The following PLOD2 variants were observed in gnomAD, a reference collection of about 807,000 sequenced individuals.
The protein encoded by PLOD2 is procollagen-lysine,2-oxoglutarate 5-dioxygenase 2, also known as lysine hydroxylase 2.
In PLOD2, 65 loss-of-function variants were observed where a neutral mutation model predicts 101.0. The ratio of observed to expected loss-of-function variants is 0.64; its 90% CI spans 0.53 to 0.79. PLOD2 has a LOEUF of 0.79. Ranked by LOEUF, PLOD2 falls within the 30% of genes least tolerant of loss-of-function variation. PLOD2 has a pLI of 0.00. For missense variants in PLOD2, 909 were observed against 914.6 expected, an observed-to-expected ratio of 0.99 and a Z score of 0.08; for synonymous variants, 314 against 302.9, an observed-to-expected ratio of 1.04 and a Z score of -0.38.
intron 3 of PLOD2, among the ~76,000 whole-genome samples, chr3:146,119,688 C>T (rs552661301): frequency 4.0e-5 from 6 of 151,302 alleles, no homozygotes; most frequent in Admixed American, 6.6e-5. Flanking sequence ...TGAGAATATG[C>T]GGTGTTTGGT....
At chr3:146,140,825 T>TTCCAATGATAGGG (rs1258243540) in intron 1 of PLOD2, among the ~76,000 whole-genome samples, 1 of 152,074 alleles carries the variant, frequency 6.6e-6, no homozygotes, top group Non-Finnish European at 1.5e-5. Flanking sequence ...TTACCATATT[T>TTCCAATGATAGGG]TCCAATGATA....
intron 16 of PLOD2, 126 bp from the exon 17 acceptor site, chr3:146,072,791 G>A (rs1936198043): frequency 1.5e-6 from 1 of 673,684 alleles, no homozygotes. Context: ...TTCTGTCATG[G>A]TTTATTGACA....
intron 7 of PLOD2, among the ~76,000 whole-genome samples, chr3:146,095,938 C>T (rs1338364800): frequency 7.8e-6 from 1 of 127,640 alleles, no homozygotes; most frequent in African/African-American, 2.9e-5. Context: ...TGATGCCGAG[C>T]CAAAGCTGGA....
chr3:146,110,016 C>T (rs1413887049), intron 4 of PLOD2, among the ~76,000 whole-genome samples: 1 of 152,000 alleles, frequency 6.6e-6, no homozygotes, highest in African/African-American at 2.4e-5. Flanking sequence ...TACTTTTCTT[C>T]CTTTAACAAC....
chr3:146,103,609 T>G (rs1306284672), intron 6 of PLOD2, among the ~76,000 whole-genome samples: 1 of 152,020 alleles, frequency 6.6e-6, no homozygotes, highest in African/African-American at 2.4e-5. Context: ...CGCACCACCA[T>G]GCCTGACTAG....
intron 1 of PLOD2, among the ~76,000 whole-genome samples, chr3:146,156,787 GA>G (rs2032317346): frequency 1.3e-5 from 2 of 152,212 alleles, no homozygotes; most frequent in Admixed American, 1.3e-4. Context: ...AAAAGTCCAA[GA>G]GAACAATTAT....
Position 146,088,636 on chromosome 3 carries a change from A to T in PLOD2, c.955T>A (p.Leu319Met). The T allele has an allele frequency of 5.6e-6, 9 of 1,600,420 alleles. No homozygotes were observed. The highest frequency in any genetic ancestry group is 6.8e-6 in the Non-Finnish European group (8 of 1,168,042). The change falls in exon 9 of 20, where the codon TTG (leucine) becomes ATG (methionine). Residue 319 changes from leucine to methionine, a missense_variant. Physicochemically the swap from Leu to Met is conservative, Grantham distance 15 (BLOSUM62 2). Coordinates refer to ENST00000282903, the MANE Select transcript of PLOD2 (RefSeq NM_182943.3). ...GCTTCTTTTGGGTAATCCAGTGTCA[A>T]CAATATGTCCAGAAACCGAGGTAGA... ...PFLPRFLDIL[L>M]TLDYPKEALK... is the part of the protein sequence containing the mutation.
At position 146,077,899 on chromosome 3, in the gene PLOD2, G is replaced by A. The variant is rs764749458; in HGVS notation, c.1526C>T (p.Pro509Leu). The A allele has an allele frequency of 1.2e-5, 19 of 1,601,442 alleles. No homozygotes were observed. Among genetic ancestry groups the A allele is most frequent in the South Asian group, 1.1e-5 (1 of 90,610 alleles). The change falls in exon 14 of 20, where the codon CCT (proline) becomes CTT (leucine). Residue 509 changes from proline (P) to leucine (L), a missense_variant. Transcript: ENST00000282903. ...EMTLQREKDSPTPETFQMLSP... is the reference protein window; with the variant it reads ...EMTLQREKDSLTPETFQMLSP... ...GAGCATTTGGAATGTTTCCGGAGTA[G>A]GGGAGTCTTTTTCCCTTTGTAAAGT...
At chr3:146,136,930 A>G (rs2031264464) in intron 1 of PLOD2, among the ~76,000 whole-genome samples, 1 of 152,140 alleles carries the variant, frequency 6.6e-6, no homozygotes, top group Non-Finnish European at 1.5e-5. Context: ...GCAACAGATG[A>G]TTGTATTCCA....
intron 11 of PLOD2, 98 bp downstream of exon 11, chr3:146,085,071 C>A: frequency 1.5e-6 from 1 of 648,148 alleles, no homozygotes; most frequent in South Asian, 1.9e-5. Flanking sequence ...TAACTAAGTT[C>A]CCTCAATTTA....
At chr3:146,149,362 A>G (rs2031949299) in intron 1 of PLOD2, among the ~76,000 whole-genome samples, 1 of 152,206 alleles carries the variant, frequency 6.6e-6, no homozygotes, top group Admixed American at 6.5e-5. Flanking sequence ...AGAAAATCAG[A>G]TATAATTATC....
chr3:146,092,083 A>G (rs1448402419), intron 7 of PLOD2, among the ~76,000 whole-genome samples, 182 bp from the exon 8 acceptor site: 3 of 149,306 alleles, frequency 2.0e-5, no homozygotes, highest in Admixed American at 6.8e-5. Flanking sequence ...ATTGTAAAGC[A>G]GGACAAAGTA....
In PLOD2 at chr3:146,070,839, A is replaced by C. The variant is rs1559830215; in HGVS notation, c.2155T>G (p.Ser719Ala). 1 of 1,610,684 alleles carries C rather than the reference A, an allele frequency of 6.2e-7. No individual in the cohort carries two copies. Residue 719 changes from serine to alanine, a missense_variant, in exon 20 of 20, where the codon TCT becomes GCT. Physicochemically the swap from Ser to Ala is moderately conservative, Grantham distance 99. Transcript: ENST00000282903. The stretch of plus-strand genomic sequence containing the variant: ...CAGCCTTTTCGTGGTGACTCAATAG[A>C]GCAATTGTACCTTAGAAATTTGCAA... The part of the protein sequence containing the change: ...GGCKFLRYNC[S>A]IESPRKGWSF...
intron 7 of PLOD2, among the ~76,000 whole-genome samples, chr3:146,095,884 TCTCCCCTCTCCCCC>T (rs1937134751): frequency 5.1e-5 from 3 of 58,264 alleles, no homozygotes; most frequent in East Asian, 1.1e-3. Flanking sequence ...CCCTCTCCCC[TCTCCCCTCTCCCCC>T]CTCCCCCCTC....
chr3:146,110,523 TAACA>T (rs907501911), intron 3 of PLOD2, 75 bp from the exon 4 acceptor site: 37 of 1,224,918 alleles, frequency 3.0e-5, no homozygotes, highest in Non-Finnish European at 4.1e-5. Flanking sequence ...AAAAGTTCTC[TAACA>T]AAAGTCAGAA....
chr3:146,107,897 G>A (rs1258091057), intron 4 of PLOD2, among the ~76,000 whole-genome samples: 2 of 151,880 alleles, frequency 1.3e-5, no homozygotes, highest in African/African-American at 4.8e-5. Flanking sequence ...GCCCGCCTCA[G>A]CCTCCCAAAG....
At chr3:146,129,480 T>C (rs1473839555) in intron 1 of PLOD2, among the ~76,000 whole-genome samples, 2 of 152,190 alleles carry the variant, frequency 1.3e-5, no homozygotes, top group African/African-American at 4.8e-5. Context: ...TTATTTCTTC[T>C]TGGTTTTGAC....
At chr3:146,087,201 T>C (rs1189484937) in intron 9 of PLOD2, among the ~76,000 whole-genome samples, 2 of 151,918 alleles carry the variant, frequency 1.3e-5, no homozygotes, top group African/African-American at 4.8e-5. Flanking sequence ...TTAATAGGTG[T>C]TTGCATAAAT....
chr3:146,110,696 AT>A (rs1209865807), intron 3 of PLOD2, among the ~76,000 whole-genome samples: 2 of 151,714 alleles, frequency 1.3e-5, no homozygotes. Flanking sequence ...GTTAGCCTTA[AT>A]TTTTTTTTCA....
Sources: allele counts gnomAD v4.1 joint callset (sites outside exome capture counted in the v4.1 genomes callset), GRCh38; gene constraint gnomAD v4.1.1; transcripts MANE v1.5; gene names NCBI Gene and HGNC (gene_info 2026-07-23, HGNC 2026-07-21).